The following DMBT1 variants were observed in gnomAD, a reference collection of about 807,000 sequenced individuals.
The protein encoded by DMBT1 is deleted in malignant brain tumors 1, also known as scavenger receptor cysteine-rich domain-containing protein DMBT1.
In DMBT1, 198 loss-of-function variants were observed where a neutral mutation model predicts 252.9. The ratio of observed to expected loss-of-function variants is 0.78; its 90% confidence interval spans 0.70 to 0.88. The LOEUF is 0.88. DMBT1 is among the 40% of genes least tolerant of loss of function. The probability of loss-of-function intolerance (pLI) is 0.00; values close to 1 mark genes in which losing one functional copy is unlikely to be tolerated. For missense variants in DMBT1, 2,432 were observed against 2,404.7 expected, an observed-to-expected ratio of 1.01 and a Z score of -0.24; for synonymous variants, 990 against 942.7, an observed-to-expected ratio of 1.05 and a Z score of -0.92.
chr10:122,586,777 G>A (rs187806838), intron 16 of DMBT1, among the ~76,000 whole-genome samples: 62 of 148,660 alleles, frequency 4.2e-4, no homozygotes, highest in African/African-American at 1.4e-3. Flanking sequence ...GCATCTGCTC[G>A]GCTTCTGCTG....
chr10:122,597,997 C>T lies in DMBT1; in HGVS notation c.2941C>T (p.Pro981Ser). 1.2e-6 allele frequency: 2 copies of T among 1,613,910 alleles called. No homozygotes were observed. The highest frequency in any genetic ancestry group is 1.7e-6 in the Non-Finnish European group (2 of 1,179,850). ...AGACACATTGCCGACCATCACCTTG[C>T]CTGCATCGACAGTAGGTAAATATTC... ...SPDTLPTITL[P>S]ASTVGSESSL... Residue 981 changes from proline (P) to serine (S), a missense_variant, in exon 25 of 56, where the codon CCT (proline) becomes TCT (serine). This residue lies in a region of DMBT1 where 1,264 missense variants were observed against 1,082.2 expected (regional missense o/e 1.17). Transcript: ENST00000338354.
chr10:122,580,937 C>G (rs770828265), intron 11 of DMBT1, 42 bp downstream of exon 11: 1 of 1,610,740 alleles, frequency 6.2e-7, no homozygotes, highest in Admixed American at 1.7e-5. Flanking sequence ...CCTTCTCTTT[C>G]TGCCCAATCA....
At position 122,597,983 on chromosome 10, in the gene DMBT1, C is replaced by T. The variant is rs200154322; in HGVS notation, c.2927C>T (p.Pro976Leu). ...SWSTPSPDTLPTITLPASTVG... is the reference protein window; with the variant it reads ...SWSTPSPDTLLTITLPASTVG... ...TCTGTTGCAATTACAGACACATTGC[C>T]GACCATCACCTTGCCTGCATCGACA... is the stretch of plus-strand genomic sequence containing the variant. The change falls in exon 25 of 56, where the codon CCG becomes CTG. Residue 976 changes from proline (P) to leucine (L), a missense_variant. By Grantham distance (98) the Pro-to-Leu change is moderately conservative (BLOSUM62 -3). Around this residue, in one of 3 missense-constraint regions of DMBT1, gnomAD observed 1,264 missense variants for 1,082.2 expected, o/e 1.17. Coordinates refer to ENST00000338354, the MANE Select transcript of DMBT1 (RefSeq NM_001377530.1). 59 of 1,613,752 alleles carry T rather than the reference C, an allele frequency of 3.7e-5. No individual in the cohort carries two copies. Among genetic ancestry groups the T allele is most frequent in the Admixed American group, 2.0e-4 (12 of 59,998 alleles).
rs374892566 is a variant in DMBT1, at chr10:122,579,884, C to T, written c.986C>T (p.Ala329Val). 4.5e-5 allele frequency: 72 copies of T among 1,613,732 alleles called. No homozygotes were observed. In the African/African-American group the frequency reaches 8.5e-4, roughly 19 times the overall value. The stretch of plus-strand genomic sequence containing the variant: ...CACAACTGTGGCCATAGTGAAGACG[C>T]TGGTGTCATCTGCTCAGGTGGGCCT... ...LTHNCGHSED[A>V]GVICSAPQSR... Residue 329 changes from alanine to valine, a missense_variant, in exon 10 of 56, where the codon GCT becomes GTT. Coordinates refer to ENST00000338354, the MANE Select transcript of DMBT1 (RefSeq NM_001377530.1).
chr10:122,570,288 G>A, intron 3 of DMBT1, 79 bp downstream of exon 3: 3 of 1,155,190 alleles, frequency 2.6e-6, no homozygotes, highest in Non-Finnish European at 3.9e-6. Context: ...CAGAAGAGAT[G>A]CAGAAGCCAT....
At chr10:122,623,402 A>G (rs1420593797) in intron 44 of DMBT1, among the ~76,000 whole-genome samples, 1 of 152,098 alleles carries the variant, frequency 6.6e-6, no homozygotes, top group Non-Finnish European at 1.5e-5. Context: ...TGTGTTTCCA[A>G]TTTTGGGAGA....
rs1181783797 is a variant in DMBT1 at position 122,633,184 on chromosome 10, C to T, written c.6398-7C>T. The T allele has an allele frequency of 1.9e-6, 3 of 1,613,242 alleles. No individual in the cohort carries two copies. The highest frequency in any genetic ancestry group is 1.3e-5 in the African/African-American group (1 of 75,014). ...GTCACCGACATTCCCACTTTTTGTC[C>T]TGACAGCAGATTATTCCTGCGGAGG... is the stretch of plus-strand genomic sequence containing the variant. On this transcript the variant is annotated splice_polypyrimidine_tract_variant and splice_region_variant and intron_variant, in intron 51 of 55. Coordinates refer to ENST00000338354, the MANE Select transcript of DMBT1 (RefSeq NM_001377530.1).
At chr10:122,634,329 A>G (rs2098191882) in intron 52 of DMBT1, among the ~76,000 whole-genome samples, 1 of 143,264 alleles carries the variant, frequency 7.0e-6, no homozygotes, top group South Asian at 2.2e-4. Flanking sequence ...AGAGGACATT[A>G]CTAAAAGCAC....
At position 122,636,069 on chromosome 10, in the gene DMBT1, T is replaced by C. The variant is rs964250793; in HGVS notation, c.6627T>C (p.Val2209=). ...GCAGTTCCCCTCTCATTGCTCGAGT[T>C]TGTGATGGGGCCAGAGGCTCCTTCA... ...PYRSSPLIAR[V]CDGARGSFTS... The change falls in exon 53 of 56, where the codon GTT becomes GTC. Residue 2209 remains valine, a synonymous_variant. Transcript: ENST00000338354. 2.5e-6 allele frequency: 4 copies of C among 1,613,868 alleles called. No individual in the cohort carries two copies. The highest frequency in any genetic ancestry group is 2.2e-5 in the East Asian group (1 of 44,884).
chr10:122,580,494 A>G (rs1226151705), intron 10 of DMBT1, among the ~76,000 whole-genome samples: 1 of 152,230 alleles, frequency 6.6e-6, no homozygotes, highest in Non-Finnish European at 1.5e-5. Flanking sequence ...GAGGCCAGCC[A>G]GACATGGCCT....
In DMBT1 at chr10:122,576,634, A is replaced by T. The variant is rs201345022; in HGVS notation, c.519A>T (p.Gly173=). 45 of 1,613,792 alleles carry T rather than the reference A, an allele frequency of 2.8e-5. No individual in the cohort carries two copies. The highest frequency in any genetic ancestry group is 3.6e-5 in the Non-Finnish European group (42 of 1,179,746). Residue 173 remains glycine, a synonymous_variant, in exon 7 of 56, where the codon GGA becomes GGT. Transcript: ENST00000338354. ...CCCTGGATGATGTGCGCTGCTCAGG[A>T]CACGAATCCTACCTGTGGAGCTGCC... ...PIALDDVRCS[G]HESYLWSCPH... is the part of the protein sequence containing the mutation.
Position 122,586,342 on chromosome 10 carries a change from A to G in DMBT1, c.1742A>G (p.His581Arg). 6.3e-7 allele frequency: 1 copy of G among 1,588,696 alleles called. No individual in the cohort carries two copies. Among genetic ancestry groups the G allele is most frequent in the Non-Finnish European group, 8.6e-7 (1 of 1,165,826 alleles). Residue 581 changes from histidine to arginine, a missense_variant, in exon 16 of 56, where the codon CAT becomes CGT. By Grantham distance (29) the His-to-Arg change is conservative. Around this residue, in one of 3 missense-constraint regions of DMBT1, gnomAD observed 1,264 missense variants for 1,082.2 expected, o/e 1.17. Transcript: ENST00000338354. Reference sequence around the variant, plus strand: ...TGCCCCCACAATGGCTGGCTCTCCCATAACTGTGGCCATAGTGAAGACGCT... The same window carrying G: ...TGCCCCCACAATGGCTGGCTCTCCCGTAACTGTGGCCATAGTGAAGACGCT... ...WSCPHNGWLS[H>R]NCGHSEDAGV...
chr10:122,593,651 C>T, intron 21 of DMBT1, 53 bp downstream of exon 21: 1 of 1,531,476 alleles, frequency 6.5e-7, no homozygotes, highest in Non-Finnish European at 8.9e-7. Flanking sequence ...TGCCCAATCA[C>T]CCCTTCCACA....
At chr10:122,620,145 A>G in intron 42 of DMBT1, 108 bp from the exon 43 acceptor site, 1 of 1,198,032 alleles carries the variant, frequency 8.3e-7, no homozygotes, top group Non-Finnish European at 1.2e-6. Flanking sequence ...AGTGGCAGGA[A>G]CCAGAAATTG....
At chr10:122,626,707 C>T (rs2098121543) in intron 46 of DMBT1, among the ~76,000 whole-genome samples, 1 of 152,166 alleles carries the variant, frequency 6.6e-6, no homozygotes, top group African/African-American at 2.4e-5. Flanking sequence ...GATCTTCTTC[C>T]TCAGAGCTCA....
At chr10:122,578,570 G>A (rs1428560551) in intron 8 of DMBT1, 148 bp from the exon 9 acceptor site, 1 of 691,752 alleles carries the variant, frequency 1.4e-6, no homozygotes, top group Non-Finnish European at 2.6e-6. Flanking sequence ...CCCTGGGCAG[G>A]AGACCTGGGC....
intron 25 of DMBT1, among the ~76,000 whole-genome samples, chr10:122,598,566 A>T (rs1236563178): frequency 6.6e-6 from 1 of 152,174 alleles, no homozygotes; most frequent in Non-Finnish European, 1.5e-5. Context: ...TGCTTCCCCA[A>T]AACTTGAGCC....
At chr10:122,591,163 G>C (rs112003651) in intron 18 of DMBT1, among the ~76,000 whole-genome samples, 1,674 of 148,842 alleles carry the variant, frequency 0.011, 87 homozygotes, top group African/African-American at 0.039. Context: ...TTAGTTTCAA[G>C]CGTGAGAGGC....
Position 122,598,906 on chromosome 10 carries a change from T to C in DMBT1, c.3089T>C (p.Val1030Ala), listed in dbSNP as rs1377376261. Residue 1030 changes from valine (V) to alanine (A), a missense_variant, in exon 26 of 56, where the codon GTC becomes GCC. Physicochemically the swap from Val to Ala is moderately conservative, Grantham distance 64 (BLOSUM62 0). Transcript: ENST00000338354. ...DSWDTNDANV[V>A]CRQLGCGWAM... ...TGGGACACCAATGATGCCAATGTCG[T>C]CTGCAGGCAACTGGGCTGTGGCTGG... 2 of 1,613,662 alleles carry C rather than the reference T, an allele frequency of 1.2e-6. No individual in the cohort carries two copies. Among genetic ancestry groups the C allele is most frequent in the African/African-American group, 2.7e-5 (2 of 74,910 alleles).
Sources: allele counts gnomAD v4.1 joint callset (sites outside exome capture counted in the v4.1 genomes callset), GRCh38; gene constraint gnomAD v4.1.1; regional missense constraint gnomAD v4.1.1; transcripts MANE v1.5; gene names NCBI Gene and HGNC (gene_info 2026-07-23, HGNC 2026-07-21).